MED24: variants seen among roughly 807,000 people sequenced by gnomAD.
The protein encoded by MED24 is mediator complex subunit 24.
In MED24, 74 loss-of-function variants were observed where a neutral mutation model predicts 118.8. That is an observed-to-expected ratio of 0.62 (90% CI 0.52 to 0.76). MED24 has a LOEUF of 0.76. MED24 is among the 30% of genes least tolerant of loss of function. The pLI is 0.00. For missense variants in MED24, 1,041 were observed against 1,278.9 expected (o/e 0.81, Z 2.84); for synonymous variants, 521 against 523.9 (o/e 0.99, Z 0.08).
Position 40,026,255 on chromosome 17 carries a change from C to T in MED24, c.1886G>A (p.Arg629Gln), listed in dbSNP as rs752373506. The T allele has an allele frequency of 1.2e-5, 19 of 1,614,044 alleles. No homozygotes were observed. The highest frequency in any genetic ancestry group is 5.0e-5 in the Admixed American group (3 of 60,008). Residue 629 changes from arginine (R) to glutamine (Q), a missense_variant, in exon 19 of 26, where the codon CGG becomes CAG. Arg to Gln is a conservative substitution (Grantham distance 43, BLOSUM62 1). Transcript: ENST00000394128. ...CTCACGCTCATCCAGCCCCAGCATCCGGACGTGGGCCACAAGCCAAGCCAC... is the reference window on the plus strand; with the variant it reads ...CTCACGCTCATCCAGCCCCAGCATCTGGACGTGGGCCACAAGCCAAGCCAC... ...CAVAWLVAHV[R>Q]MLGLDEREKS... is the part of the protein sequence containing the mutation.
At chr17:40,031,738 C>A in intron 10 of MED24, 118 bp from the exon 11 acceptor site, 1 of 967,548 alleles carries the variant, frequency 1.0e-6, no homozygotes, top group South Asian at 1.5e-5. Flanking sequence ...CTGCCTGGAG[C>A]CTGGGTGTAT....
At chr17:40,042,328 T>TCCA (rs1365175622) in intron 3 of MED24, among the ~76,000 whole-genome samples, 2 of 152,224 alleles carry the variant, frequency 1.3e-5, no homozygotes, top group Admixed American at 1.3e-4. Context: ...TGAAGATTTG[T>TCCA]CCACCAAGGT....
Position 40,031,538 on chromosome 17 carries a change from T to C in MED24, c.1067A>G (p.Asn356Ser). 1 of 1,613,816 alleles carries C rather than the reference T, an allele frequency of 6.2e-7. No homozygotes were observed. The highest frequency in any genetic ancestry group is 8.5e-7 in the Non-Finnish European group (1 of 1,179,702). ...PLLDKADQRC[N>S]CDCTNFLLQE... Reference sequence around the variant, plus strand: ...CGGGGGTGACCAGGGGAGCTCATACTTGCAGCGCTGGTCAGCTTTGTCCAA... The same window carrying C: ...CGGGGGTGACCAGGGGAGCTCATACCTGCAGCGCTGGTCAGCTTTGTCCAA... The change falls in exon 11 of 26, where the codon AAC becomes AGC. Residue 356 changes from asparagine (N) to serine (S), a missense_variant and splice_region_variant. Coordinates refer to ENST00000394128, the MANE Select transcript of MED24 (RefSeq NM_014815.4).
At chr17:40,041,161 T>C (rs552644688) in intron 3 of MED24, among the ~76,000 whole-genome samples, 3 of 152,338 alleles carry the variant, frequency 2.0e-5, no homozygotes, top group East Asian at 1.9e-4. Context: ...ATTAAGGTCA[T>C]TGACAAACTC....
chr17:40,026,526 A>G, intron 18 of MED24, 121 bp downstream of exon 18: 1 of 1,154,148 alleles, frequency 8.7e-7, no homozygotes, highest in Non-Finnish European at 1.2e-6. Context: ...TACACAAAAT[A>G]TCAATATCAA....
chr17:40,049,638 T>C (rs1389747353), intron 3 of MED24, among the ~76,000 whole-genome samples: 2 of 152,074 alleles, frequency 1.3e-5, no homozygotes, highest in Non-Finnish European at 2.9e-5. Flanking sequence ...GCGATTCTCC[T>C]GCCTCAGCCT....
intron 19 of MED24, among the ~76,000 whole-genome samples, chr17:40,025,106 G>A (rs1206488163): frequency 6.6e-6 from 1 of 152,172 alleles, no homozygotes; most frequent in Non-Finnish European, 1.5e-5. Flanking sequence ...GATGAGCTTT[G>A]AGGACACCAT....
intron 19 of MED24, among the ~76,000 whole-genome samples, chr17:40,025,098 T>C (rs193168724): frequency 1.4e-3 from 215 of 152,324 alleles, no homozygotes; most frequent in African/African-American, 4.8e-3. Flanking sequence ...ACTACATGGA[T>C]GAGCTTTGAG....
intron 3 of MED24, among the ~76,000 whole-genome samples, chr17:40,041,372 G>C (rs1054954177): frequency 6.6e-6 from 1 of 152,098 alleles, no homozygotes; most frequent in African/African-American, 2.4e-5. Context: ...TTCCTTAAAT[G>C]AGATTGGTTC....
rs1485476450 is a variant in MED24, at chr17:40,033,576, CCT to C, written c.560-122_560-121del. On this transcript the variant is annotated intron_variant, in intron 6 of 25. Transcript: ENST00000394128. This position sits in a 1 kb window ranked among gnomAD's most constrained non-coding sequence, Gnocchi z 5.2. ...CACGAAACCACACAGGAAGGCTTCC[CCT>C]GAGGACAACAGGGAGGGAGGGGCCT... 4 of 811,552 alleles carry C rather than the reference CCT, an allele frequency of 4.9e-6. No individual in the cohort carries two copies. The highest frequency in any genetic ancestry group is 8.3e-6 in the Non-Finnish European group (4 of 484,338). 50.3% of individuals were successfully genotyped at this position (811,552 alleles called of 1,614,324 possible). A position where few individuals can be genotyped will look rare whatever the true frequency, so the allele number is the denominator to read the frequency against.
chr17:40,044,988 C>T (rs1264897844), intron 3 of MED24, among the ~76,000 whole-genome samples: 1 of 151,978 alleles, frequency 6.6e-6, no homozygotes, highest in South Asian at 2.1e-4. Context: ...GGGAAATTTG[C>T]AGGATCTACT....
intron 3 of MED24, among the ~76,000 whole-genome samples, chr17:40,039,474 C>A (rs1012755691): frequency 6.6e-6 from 1 of 152,210 alleles, no homozygotes; most frequent in African/African-American, 2.4e-5. Context: ...CCTCTACTCG[C>A]ATAACATTGG....
chr17:40,034,951 A>G (rs879469280), intron 6 of MED24, 166 bp downstream of exon 6: 48 of 1,575,252 alleles, frequency 3.0e-5, no homozygotes, highest in Non-Finnish European at 4.1e-5. Flanking sequence ...ACCCTGCCCA[A>G]GTCCCTGGGA....
chr17:40,048,446 A>G (rs978048083), intron 3 of MED24, among the ~76,000 whole-genome samples: 1 of 152,234 alleles, frequency 6.6e-6, no homozygotes, highest in African/African-American at 2.4e-5. Flanking sequence ...TAATATCTAT[A>G]TAACTTAGTC....
rs933277509 is a variant in MED24, at chr17:40,032,024, A to G, written c.984+19T>C. On this transcript the variant is annotated intron_variant, in intron 10 of 25. Coordinates refer to ENST00000394128, the MANE Select transcript of MED24 (RefSeq NM_014815.4). ...CCCTTATTTCTGCTCCCATGCCTCC[A>G]TCTCAATCCCCAACTCACCTTGTCT... 1.2e-6 allele frequency: 2 copies of G among 1,612,670 alleles called. No homozygotes were observed. The highest frequency in any genetic ancestry group is 1.3e-5 in the African/African-American group (1 of 74,824).
chr17:40,049,455 G>A (rs1254944397), intron 3 of MED24, among the ~76,000 whole-genome samples: 2 of 152,178 alleles, frequency 1.3e-5, no homozygotes, highest in Non-Finnish European at 2.9e-5. Flanking sequence ...CCTTTCCCAT[G>A]TATTCCCATA....
Position 40,022,794 on chromosome 17 carries a change from C to T in MED24, c.2283G>A (p.Thr761=), listed in dbSNP as rs35670621. 2,568 of 1,613,684 alleles carry T rather than the reference C, an allele frequency of 1.6e-3. 37 individuals carry two copies. The African/African-American group carries it at 0.029, about 18-fold the overall frequency. ...AGTAGAGCAGCTCCACTGCCCGCAG[C>T]GTGTGCTCCTTCCGCGTCTCCTTCA... is the stretch of plus-strand genomic sequence containing the variant. ...ELLKETRKEH[T]LRAVELLYSI... is the part of the protein sequence containing the mutation. Residue 761 remains threonine, a synonymous_variant, in exon 21 of 26, where the codon ACG becomes ACA. Coordinates refer to ENST00000394128, the MANE Select transcript of MED24 (RefSeq NM_014815.4).
At chr17:40,031,133 GGTAGC>G in intron 12 of MED24, 21 bp downstream of exon 12, 2 of 1,549,388 alleles carry the variant, frequency 1.3e-6, no homozygotes, top group Non-Finnish European at 1.7e-6. Flanking sequence ...GGGCTCTTGG[GGTAGC>G]ACAGGTGCGT....
rs774823288 is a variant in MED24, at chr17:40,022,814, C to T, written c.2263G>A (p.Glu755Lys). The T allele has an allele frequency of 2.5e-6, 4 of 1,613,398 alleles. No homozygotes were observed. Among genetic ancestry groups the T allele is most frequent in the Middle Eastern group, 1.7e-4 (1 of 5,862 alleles). The change falls in exon 21 of 26, where the codon GAG (glutamate) becomes AAG (lysine). Residue 755 changes from glutamate to lysine, a missense_variant. This residue lies in a region of MED24 where 587 missense variants were observed against 694.4 expected (regional missense o/e 0.85). Transcript: ENST00000394128. Reference sequence around the variant, plus strand: ...CGCAGCGTGTGCTCCTTCCGCGTCTCCTTCAGCAGCTCCTAGTGCGCAGGA... The same window carrying T: ...CGCAGCGTGTGCTCCTTCCGCGTCTTCTTCAGCAGCTCCTAGTGCGCAGGA... ...CNNLIKELLK[E>K]TRKEHTLRAV...
Sources: allele counts gnomAD v4.1 joint callset (sites outside exome capture counted in the v4.1 genomes callset), GRCh38; gene constraint gnomAD v4.1.1; regional missense constraint gnomAD v4.1.1; non-coding constraint Gnocchi (gnomAD v3.1); transcripts MANE v1.5; gene names NCBI Gene and HGNC (gene_info 2026-07-23, HGNC 2026-07-21).